The following FBXL7 variants were observed in gnomAD, a reference collection of about 807,000 sequenced individuals.
FBXL7 encodes F-box/LRR-repeat protein 7.
A neutral mutation model predicts 38.3 loss-of-function variants in FBXL7; 12 were observed. The ratio of observed to expected loss-of-function variants is 0.31; its 90% CI spans 0.20 to 0.51. The LOEUF is 0.51. Ranked by LOEUF, FBXL7 falls within the 20% of genes least tolerant of loss-of-function variation. The probability of loss-of-function intolerance (pLI) is 0.98; values close to 1 mark genes in which losing one functional copy is unlikely to be tolerated. For synonymous variants in FBXL7, 297 were observed against 300.9 expected (o/e 0.99, Z 0.13); for missense variants, 567 against 676.4 (o/e 0.84, Z 1.79).
chr5:15,508,728 A>G (rs1036444082), intron 1 of FBXL7, among the ~76,000 whole-genome samples: 7 of 152,122 alleles, frequency 4.6e-5, no homozygotes, highest in Admixed American at 4.6e-4. Context: ...TCTCTGTCAT[A>G]TTAGTTACTG....
intron 2 of FBXL7, among the ~76,000 whole-genome samples, chr5:15,632,140 G>A (rs2126542354): frequency 6.6e-6 from 1 of 152,194 alleles, no homozygotes; most frequent in Non-Finnish European, 1.5e-5. Context: ...ACTTTTCAGA[G>A]CTTTTCAGAT....
chr5:15,722,077 C>T (rs1388029771), intron 2 of FBXL7, among the ~76,000 whole-genome samples: 1 of 152,158 alleles, frequency 6.6e-6, no homozygotes, highest in Non-Finnish European at 1.5e-5. Flanking sequence ...TTATGATCTG[C>T]CCGCCTTGGC....
chr5:15,556,098 C>T (rs28410097), intron 1 of FBXL7, among the ~76,000 whole-genome samples: 46 of 93,484 alleles, frequency 4.9e-4, no homozygotes, highest in South Asian at 6.5e-4. Flanking sequence ...TATCTATCTA[C>T]CTATCTATCT....
At chr5:15,738,985 G>C (rs974304388) in intron 2 of FBXL7, among the ~76,000 whole-genome samples, 1 of 152,218 alleles carries the variant, frequency 6.6e-6, no homozygotes, top group Non-Finnish European at 1.5e-5. Context: ...CAGAAAAGGA[G>C]TGTCCCTTAA....
intron 2 of FBXL7, among the ~76,000 whole-genome samples, chr5:15,770,077 T>C (rs1477565481): frequency 1.3e-5 from 2 of 152,194 alleles, no homozygotes; most frequent in Non-Finnish European, 1.5e-5. Context: ...AATCACAGAC[T>C]ATTAAAGCCA....
intron 2 of FBXL7, among the ~76,000 whole-genome samples, chr5:15,674,182 C>T (rs923717737): frequency 1.3e-5 from 2 of 152,182 alleles, no homozygotes; most frequent in African/African-American, 4.8e-5. Context: ...AGTGATAATT[C>T]ATTGCAATGC....
At chr5:15,892,584 T>C (rs1236805552) in intron 2 of FBXL7, among the ~76,000 whole-genome samples, 1 of 152,160 alleles carries the variant, frequency 6.6e-6, no homozygotes, top group Non-Finnish European at 1.5e-5. Flanking sequence ...GTTCGCAGCT[T>C]ACTTATTACA....
At chr5:15,818,735 TGTGTGTGTGAGAGAGA>T (rs1458569826) in intron 2 of FBXL7, among the ~76,000 whole-genome samples, 5 of 91,546 alleles carry the variant, frequency 5.5e-5, no homozygotes, top group East Asian at 7.3e-4. Context: ...TGTGTGTGTG[TGTGTGTGTGAGAGAGA>T]GAGAGATTTA....
chr5:15,649,830 C>G (rs1342796691), intron 2 of FBXL7, among the ~76,000 whole-genome samples: 10 of 152,030 alleles, frequency 6.6e-5, no homozygotes, highest in Non-Finnish European at 1.2e-4. Context: ...ATTTCTTTGA[C>G]TTTGGTAGAA....
intron 1 of FBXL7, among the ~76,000 whole-genome samples, chr5:15,504,321 A>G (rs1320955024): frequency 1.3e-5 from 2 of 152,254 alleles, no homozygotes; most frequent in Non-Finnish European, 2.9e-5. Context: ...TTGGAAAGAC[A>G]TTAACTAACA....
chr5:15,927,764 T>TAAAAAAAAAAAAAAAA (rs753935096), intron 2 of FBXL7, 126 bp from the exon 3 acceptor site: 94 of 456,784 alleles, frequency 2.1e-4, no homozygotes, highest in African/African-American at 1.6e-3. Context: ...GACAAGATCT[T>TAAAAAAAAAAAAAAAA]AAAAAAAAAA....
rs556934887 is a variant in FBXL7, at chr5:15,626,849, A to AT, written c.127+10785dup. ...GTAATGAAAGCTTGCATCATTCCTAATTTTTTTTATCAGTAATTTCAGTAT... is the reference window on the plus strand; with the variant it reads ...GTAATGAAAGCTTGCATCATTCCTAATTTTTTTTTATCAGTAATTTCAGTAT... On this transcript the variant is annotated intron_variant, in intron 2 of 3. Transcript: ENST00000504595. Among the ~76,000 whole-genome samples the AT allele has an allele frequency of 3.7e-3, 563 of 152,060 alleles. 1 individual carries two copies. Among genetic ancestry groups the AT allele is most frequent in the African/African-American group, 0.013 (522 of 41,480 alleles).
intron 1 of FBXL7, among the ~76,000 whole-genome samples, chr5:15,546,443 T>G (rs1251659366): frequency 1.3e-5 from 2 of 152,204 alleles, no homozygotes; most frequent in Non-Finnish European, 2.9e-5. Flanking sequence ...GGCGGGCGCC[T>G]GTAATCCCAG....
At chr5:15,503,579 T>C (rs1369276378) in intron 1 of FBXL7, among the ~76,000 whole-genome samples, 1 of 152,248 alleles carries the variant, frequency 6.6e-6, no homozygotes, top group Non-Finnish European at 1.5e-5. Flanking sequence ...TGTACCTTAC[T>C]TCCGATTTTT....
intron 2 of FBXL7, among the ~76,000 whole-genome samples, chr5:15,804,344 C>T (rs1737649412): frequency 6.6e-6 from 1 of 152,058 alleles, no homozygotes; most frequent in African/African-American, 2.4e-5. Context: ...TGGCATACAA[C>T]TATAGTCCCA....
At chr5:15,571,412 T>C (rs1738777073) in intron 1 of FBXL7, among the ~76,000 whole-genome samples, 1 of 152,088 alleles carries the variant, frequency 6.6e-6, no homozygotes, top group Non-Finnish European at 1.5e-5. Flanking sequence ...TGAAGAGATG[T>C]AGGATGTGAA....
At chr5:15,876,379 C>T (rs1178232071) in intron 2 of FBXL7, among the ~76,000 whole-genome samples, 2 of 151,708 alleles carry the variant, frequency 1.3e-5, no homozygotes, top group African/African-American at 4.8e-5. Context: ...ACACATGTGT[C>T]CCAGAACTTA....
At chr5:15,832,747 A>G (rs1009902141) in intron 2 of FBXL7, among the ~76,000 whole-genome samples, 1 of 152,182 alleles carries the variant, frequency 6.6e-6, no homozygotes, top group African/African-American at 2.4e-5. Flanking sequence ...TGAGACAGAA[A>G]TTCAAAGAGA....
intron 2 of FBXL7, among the ~76,000 whole-genome samples, chr5:15,656,445 T>C (rs1741885089): frequency 6.6e-6 from 1 of 152,112 alleles, no homozygotes; most frequent in South Asian, 2.1e-4. Flanking sequence ...CCGTCTTACA[T>C]GGATGGCAGC....
Sources: allele counts gnomAD v4.1 joint callset (sites outside exome capture counted in the v4.1 genomes callset), GRCh38; gene constraint gnomAD v4.1.1; transcripts MANE v1.5; gene names NCBI Gene and HGNC (gene_info 2026-07-23, HGNC 2026-07-21).